DDX20: variants seen among roughly 807,000 people sequenced by gnomAD.
DDX20 encodes the protein probable ATP-dependent RNA helicase DDX20.
A neutral mutation model predicts 76.4 loss-of-function variants in DDX20; 61 were observed. The ratio of observed to expected loss-of-function variants is 0.80; its 90% CI spans 0.65 to 0.99. The LOEUF (loss-of-function observed/expected upper bound fraction) is 0.99. Among genes scored for constraint, DDX20 ranks in the 50% least tolerant of loss-of-function variants. The probability of loss-of-function intolerance (pLI) is 0.00; values close to 1 mark genes in which losing one functional copy is unlikely to be tolerated. For synonymous variants in DDX20, 357 were observed against 357.4 expected, an observed-to-expected ratio of 1.00 and a Z score of 0.01; for missense variants, 976 against 996.8, an observed-to-expected ratio of 0.98 and a Z score of 0.28.
chr1:111,756,411 C>T (rs534557376), intron 1 of DDX20, among the ~76,000 whole-genome samples, 186 bp downstream of exon 1: 1 of 152,338 alleles, frequency 6.6e-6, no homozygotes, highest in Non-Finnish European at 1.5e-5. Context: ...CACTATTGAA[C>T]TTGAGGATAG....
At chr1:111,765,640 A>G in intron 10 of DDX20, 97 bp from the exon 11 acceptor site, 2 of 1,025,214 alleles carry the variant, frequency 2.0e-6, no homozygotes, top group South Asian at 1.7e-5. Flanking sequence ...TGTTTCTTAA[A>G]TGTATTTGAT....
At position 111,756,238 on chromosome 1, in the gene DDX20, G is replaced by T; in HGVS notation, c.301+13G>T. On this transcript the variant is annotated intron_variant, in intron 1 of 10. Transcript: ENST00000369702. ...CGCTGCGGGCTCGGTGAGAGCGGGG[G>T]CCCGGGATAGGTCGGGGGGTGGGGT... The T allele has an allele frequency of 7.8e-7, 1 of 1,279,576 alleles. No individual in the cohort carries two copies. The highest frequency in any genetic ancestry group is 3.1e-5 in the East Asian group (1 of 32,428). 79.3% of individuals were successfully genotyped at this position (1,279,576 alleles called of 1,614,324 possible).
rs1663546813 is a variant in DDX20 at position 111,756,178 on chromosome 1, C to T, written c.254C>T (p.Pro85Leu). The change falls in exon 1 of 11, where the codon CCC becomes CTC. Residue 85 changes from proline (P) to leucine (L), a missense_variant. This residue lies in a region of DDX20 where 343 missense variants were observed against 286.4 expected (regional missense o/e 1.20). Transcript: ENST00000369702. ...EGLRAAGFER[P>L]SPVQLKAIPL... ...CTGCGGGCGGCCGGCTTCGAGAGGC[C>T]CTCGCCGGTGCAGCTCAAGGCCATC... 6.5e-7 allele frequency: 1 copy of T among 1,534,750 alleles called. No homozygotes were observed. Among genetic ancestry groups the T allele is most frequent in the Non-Finnish European group, 8.7e-7 (1 of 1,147,474 alleles).
At chr1:111,758,746 T>A (rs1020268531) in intron 2 of DDX20, among the ~76,000 whole-genome samples, 1 of 152,166 alleles carries the variant, frequency 6.6e-6, no homozygotes, top group Non-Finnish European at 1.5e-5. Context: ...CCTTGTTTGA[T>A]TTTTTTATGA....
chr1:111,760,403 G>A, intron 3 of DDX20, 71 bp from the exon 4 acceptor site: 1 of 1,063,302 alleles, frequency 9.4e-7, no homozygotes, highest in South Asian at 1.5e-5. Context: ...AATAAGTAGA[G>A]TAACAATATT....
At chr1:111,758,745 A>G (rs984840901) in intron 2 of DDX20, among the ~76,000 whole-genome samples, 1 of 151,748 alleles carries the variant, frequency 6.6e-6, no homozygotes, top group African/African-American at 2.4e-5. Context: ...TCCTTGTTTG[A>G]TTTTTTTATG....
Position 111,760,797 on chromosome 1 carries a change from A to G in DDX20, c.772A>G (p.Met258Val). 6.2e-7 allele frequency: 1 copy of G among 1,613,924 alleles called. No homozygotes were observed. Among genetic ancestry groups the G allele is most frequent in the South Asian group, 1.1e-5 (1 of 91,030 alleles). Reference sequence around the variant, plus strand: ...TTTGGCTAATGCTTTGACAAAGTACATGAGAGATCCCACTTTTGTAAGACT... The same window carrying G: ...TTTGGCTAATGCTTTGACAAAGTACGTGAGAGATCCCACTTTTGTAAGACT... The part of the protein sequence containing the change: ...EFLANALTKY[M>V]RDPTFVRLNS... Residue 258 changes from methionine (M) to valine (V), a missense_variant, in exon 5 of 11, where the codon ATG becomes GTG. This residue lies in a region of DDX20 where 630 missense variants were observed against 693.7 expected (regional missense o/e 0.91). Transcript: ENST00000369702.
chr1:111,763,774 T>G (rs1663722775), intron 10 of DDX20, among the ~76,000 whole-genome samples: 2 of 152,180 alleles, frequency 1.3e-5, no homozygotes, highest in African/African-American at 2.4e-5. Flanking sequence ...TTTGAAAAAT[T>G]GGAGTGAAAT....
rs1663781224 is a variant in DDX20 at position 111,766,432 on chromosome 1, A to C, written c.2008A>C (p.Asn670His). 6.2e-7 allele frequency: 1 copy of C among 1,614,184 alleles called. No homozygotes were observed. The highest frequency in any genetic ancestry group is 8.5e-7 in the Non-Finnish European group (1 of 1,180,014). Residue 670 changes from asparagine (N) to histidine (H), a missense_variant, in exon 11 of 11, where the codon AAT becomes CAT. Asn to His is a moderately conservative substitution (Grantham distance 68). Transcript: ENST00000369702. ...SSRTSSQSKG[N>H]KSYLEGSSDN... Reference sequence around the variant, plus strand: ...AAGAACCTCTTCCCAGAGCAAAGGAAATAAGTCATACTTGGAAGGCTCTTC... The same window carrying C: ...AAGAACCTCTTCCCAGAGCAAAGGACATAAGTCATACTTGGAAGGCTCTTC...
Position 111,756,232 on chromosome 1 carries a change from G to T in DDX20, c.301+7G>T. 4 of 1,415,204 alleles carry T rather than the reference G, an allele frequency of 2.8e-6. No homozygotes were observed. Among genetic ancestry groups the T allele is most frequent in the Non-Finnish European group, 3.7e-6 (4 of 1,087,614 alleles). The allele number at this position is 1,415,204 out of a possible 1,614,324, so 87.7% of individuals were successfully genotyped here. On this transcript the variant is annotated splice_region_variant and intron_variant, in intron 1 of 10. Coordinates refer to ENST00000369702, the MANE Select transcript of DDX20 (RefSeq NM_007204.5). ...TTGGGGCGCTGCGGGCTCGGTGAGAGCGGGGGCCCGGGATAGGTCGGGGGG... is the reference window on the plus strand; with the variant it reads ...TTGGGGCGCTGCGGGCTCGGTGAGATCGGGGGCCCGGGATAGGTCGGGGGG...
intron 8 of DDX20, 72 bp downstream of exon 8, chr1:111,762,409 A>G (rs1663691878): frequency 4.0e-6 from 5 of 1,260,056 alleles, no homozygotes; most frequent in Non-Finnish European, 3.4e-6. Flanking sequence ...TACAGATTTC[A>G]TATATTATTT....
intron 10 of DDX20, 82 bp from the exon 11 acceptor site, chr1:111,765,655 G>C: frequency 1.7e-6 from 2 of 1,182,190 alleles, no homozygotes; most frequent in Non-Finnish European, 2.4e-6. Context: ...TTTGATCATA[G>C]AAAACTTTAT....
chr1:111,758,451 T>C (rs1663609428), intron 2 of DDX20, among the ~76,000 whole-genome samples: 1 of 151,894 alleles, frequency 6.6e-6, no homozygotes, highest in Non-Finnish European at 1.5e-5. Context: ...TGCAAAGTTT[T>C]TACCATGACT....
At position 111,766,646 on chromosome 1, in the gene DDX20, G is replaced by C. The variant is rs778196499; in HGVS notation, c.2222G>C (p.Arg741Pro). 1 of 1,614,158 alleles carries C rather than the reference G, an allele frequency of 6.2e-7. No individual in the cohort carries two copies. The highest frequency in any genetic ancestry group is 1.1e-5 in the South Asian group (1 of 91,078). The change falls in exon 11 of 11, where the codon CGG becomes CCG. Residue 741 changes from arginine to proline, a missense_variant. Coordinates refer to ENST00000369702, the MANE Select transcript of DDX20 (RefSeq NM_007204.5). ...CAGAGCCGGAGAAACCTACCCAGGCGGTCTTCCTTCAGATTGCAGACTGAA... is the reference window on the plus strand; with the variant it reads ...CAGAGCCGGAGAAACCTACCCAGGCCGTCTTCCTTCAGATTGCAGACTGAA... ...AKQSRRNLPR[R>P]SSFRLQTEAQ... is the part of the protein sequence containing the mutation.
chr1:111,762,361 T>C, intron 8 of DDX20, 24 bp downstream of exon 8: 1 of 1,563,040 alleles, frequency 6.4e-7, no homozygotes, highest in Non-Finnish European at 8.8e-7. Flanking sequence ...TCAGTTTGGG[T>C]GACTAATCCA....
chr1:111,757,061 GT>G (rs35450202), intron 2 of DDX20, among the ~76,000 whole-genome samples: 24 of 144,966 alleles, frequency 1.7e-4, no homozygotes, highest in Admixed American at 2.8e-4. Context: ...TGCAGAGTTT[GT>G]TTTTTTTTTT....
chr1:111,766,100 A>G lies in DDX20; in HGVS notation c.1676A>G (p.Asn559Ser), dbSNP rs41310098. 3.8e-3 allele frequency: 6,094 copies of G among 1,614,158 alleles called. 43 individuals are homozygous for G. Among genetic ancestry groups the G allele is most frequent in the Non-Finnish European group, 3.4e-3 (4,055 of 1,180,030 alleles). Residue 559 changes from asparagine (N) to serine (S), a missense_variant, in exon 11 of 11, where the codon AAC (asparagine) becomes AGC (serine). This residue lies in a region of DDX20 where 630 missense variants were observed against 693.7 expected (regional missense o/e 0.91). Transcript: ENST00000369702. ...CAGACTCCCGTTGAAAACTCCACCAACAGTCAGCACCAGGTCAAAGAAGCT... is the reference window on the plus strand; with the variant it reads ...CAGACTCCCGTTGAAAACTCCACCAGCAGTCAGCACCAGGTCAAAGAAGCT... ...SVQTPVENST[N>S]SQHQVKEALP...
chr1:111,767,663 G>A lies in DDX20; in HGVS notation c.*764G>A, dbSNP rs796242572. On this transcript the variant is annotated 3_prime_UTR_variant, in exon 11 of 11. Coordinates refer to ENST00000369702, the MANE Select transcript of DDX20 (RefSeq NM_007204.5). Reference sequence around the variant, plus strand: ...GGATCCTTTTATGAATCAGCTGATAGCTATAGATTGACTTCAGGAAATTTC... The same window carrying A: ...GGATCCTTTTATGAATCAGCTGATAACTATAGATTGACTTCAGGAAATTTC... The A allele has an allele frequency of 1.3e-5, 2 of 152,222 alleles. No homozygotes were observed. The highest frequency in any genetic ancestry group is 4.8e-5 in the African/African-American group (2 of 41,544). The allele number at this position is 152,222 out of a possible 1,614,324, so 9.4% of individuals were successfully genotyped here. A position where few individuals can be genotyped will look rare whatever the true frequency, so the allele number is the denominator to read the frequency against.
In DDX20 at chr1:111,766,102, A is replaced by G. The variant is rs1571613030; in HGVS notation, c.1678A>G (p.Ser560Gly). 8.7e-6 allele frequency: 14 copies of G among 1,614,224 alleles called. No homozygotes were observed. The East Asian group carries it at 2.9e-4, about 33-fold the overall frequency. ...VQTPVENSTN[S>G]QHQVKEALPV... ...GACTCCCGTTGAAAACTCCACCAAC[A>G]GTCAGCACCAGGTCAAAGAAGCTTT... The change falls in exon 11 of 11, where the codon AGT (serine) becomes GGT (glycine). Residue 560 changes from serine (S) to glycine (G), a missense_variant. Around this residue, in one of 3 missense-constraint regions of DDX20, gnomAD observed 630 missense variants for 693.7 expected, o/e 0.91. Transcript: ENST00000369702.
Sources: allele counts gnomAD v4.1 joint callset (sites outside exome capture counted in the v4.1 genomes callset), GRCh38; gene constraint gnomAD v4.1.1; regional missense constraint gnomAD v4.1.1; transcripts MANE v1.5; gene names NCBI Gene and HGNC (gene_info 2026-07-23, HGNC 2026-07-21).